Variants in RNF144B observed in about 807,000 individuals in gnomAD.
RNF144B encodes the protein ring finger protein 144B.
In RNF144B, 25 loss-of-function variants were observed where a neutral mutation model predicts 40.2. The observed-to-expected ratio is 0.62, with a 90% confidence interval of 0.45 to 0.87. RNF144B has a LOEUF of 0.87. RNF144B is among the 40% of genes least tolerant of loss of function. RNF144B has a pLI of 0.00. For synonymous variants in RNF144B, 145 were observed against 136.3 expected (o/e 1.06, Z -0.44); for missense variants, 365 against 373.7 (o/e 0.98, Z 0.19).
chr6:18,415,298 A>G lies in RNF144B; in HGVS notation c.166-12283A>G, dbSNP rs115496671. Among the ~76,000 whole-genome samples the G allele has an allele frequency of 3.8e-3, 582 of 152,332 alleles. 5 individuals are homozygous for G. Among genetic ancestry groups the G allele is most frequent in the African/African-American group, 0.013 (530 of 41,574 alleles). ...CGCGAGACTAGGTAATTTATCAACA[A>G]CAGAAATCCACTACTCATAGTTCTG... On this transcript the variant is annotated intron_variant, in intron 2 of 7. Transcript: ENST00000259939.
In RNF144B at chr6:18,395,668, G is replaced by A. The variant is rs1207973849; in HGVS notation, c.-36-3831G>A. Reference sequence around the variant, plus strand: ...TTTGCCCAAAGTGAGAAACGAAAGGGTTGGTTTTTAGTCTGTGCATGGTGC... The same window carrying A: ...TTTGCCCAAAGTGAGAAACGAAAGGATTGGTTTTTAGTCTGTGCATGGTGC... On this transcript the variant is annotated intron_variant, in intron 1 of 7. Coordinates refer to ENST00000259939, the MANE Select transcript of RNF144B (RefSeq NM_182757.4). The surrounding 1 kb of genome is among the most constrained non-coding windows in gnomAD (Gnocchi z 4.5). Among the ~76,000 whole-genome samples, 1 of 151,952 alleles carries A rather than the reference G, an allele frequency of 6.6e-6. No homozygotes were observed. Among genetic ancestry groups the A allele is most frequent in the African/African-American group, 2.4e-5 (1 of 41,348 alleles).
intron 1 of RNF144B, among the ~76,000 whole-genome samples, chr6:18,397,657 T>G (rs149897129): frequency 7.2e-5 from 11 of 152,248 alleles, no homozygotes; most frequent in African/African-American, 2.6e-4. Context: ...ACAAATTTTG[T>G]TTCTGTGCAG....
intron 2 of RNF144B, 144 bp downstream of exon 2, chr6:18,399,843 T>C: frequency 1.6e-6 from 1 of 643,136 alleles, no homozygotes; most frequent in Non-Finnish European, 2.6e-6. Context: ...TTGAACCTAT[T>C]TCCAAATAGT....
chr6:18,457,779 A>G lies in RNF144B; in HGVS notation c.536+420A>G, dbSNP rs1470533251. Among the ~76,000 whole-genome samples the G allele has an allele frequency of 2.0e-5, 3 of 152,186 alleles. No homozygotes were observed. The highest frequency in any genetic ancestry group is 1.5e-5 in the Non-Finnish European group (1 of 68,024). ...TGCCAGCTCATGATGTGTGACAGTC[A>G]TATTAGAAAGAACACAACAATAGAA... is the stretch of plus-strand genomic sequence containing the variant. On this transcript the variant is annotated intron_variant, in intron 5 of 7. Coordinates refer to ENST00000259939, the MANE Select transcript of RNF144B (RefSeq NM_182757.4). The surrounding 1 kb of genome is among the most constrained non-coding windows in gnomAD (Gnocchi z 5.1).
chr6:18,403,073 T>C (rs1562041235), intron 2 of RNF144B, among the ~76,000 whole-genome samples: 1 of 152,246 alleles, frequency 6.6e-6, no homozygotes, highest in African/African-American at 2.4e-5. Context: ...TGTTTGTCTG[T>C]TTATGACATG....
intron 4 of RNF144B, among the ~76,000 whole-genome samples, chr6:18,454,142 GT>G (rs531024935): frequency 4.0e-4 from 61 of 152,254 alleles, no homozygotes; most frequent in African/African-American, 1.4e-3. Flanking sequence ...ACCTCACACA[GT>G]TGGGTTCAAA....
At chr6:18,436,540 T>C (rs1265480332) in intron 3 of RNF144B, among the ~76,000 whole-genome samples, 1 of 152,132 alleles carries the variant, frequency 6.6e-6, no homozygotes, top group Admixed American at 6.5e-5. Flanking sequence ...GAATGGCATT[T>C]GGTAACTCTC....
Position 18,434,807 on chromosome 6 carries a change from G to C in RNF144B, c.271-4877G>C, listed in dbSNP as rs187595399. ...CAGCTAATTTTTTGTATTTTTAGTA[G>C]AGATGGGGTTTCACCTTGTTAGCCA... is the stretch of plus-strand genomic sequence containing the variant. On this transcript the variant is annotated intron_variant, in intron 3 of 7. Coordinates refer to ENST00000259939, the MANE Select transcript of RNF144B (RefSeq NM_182757.4). The surrounding 1 kb of genome is among the most constrained non-coding windows in gnomAD (Gnocchi z 4.1). Among the ~76,000 whole-genome samples, 321 of 152,226 alleles carry C rather than the reference G, an allele frequency of 2.1e-3. No individual in the cohort carries two copies. The highest frequency in any genetic ancestry group is 7.2e-3 in the African/African-American group (298 of 41,532).
In RNF144B at chr6:18,419,692, G is replaced by A. The variant is rs1795217206; in HGVS notation, c.166-7889G>A. Among the ~76,000 whole-genome samples, 4 of 152,182 alleles carry A rather than the reference G, an allele frequency of 2.6e-5. No individual in the cohort carries two copies. The highest frequency in any genetic ancestry group is 2.6e-4 in the Admixed American group (4 of 15,262). ...AGTGACCTAGAGCCACTTCAGTTGA[G>A]TGGCAGGGAGGAGTTGGGATGGGAT... On this transcript the variant is annotated intron_variant, in intron 2 of 7. Transcript: ENST00000259939. The surrounding 1 kb of genome is among the most constrained non-coding windows in gnomAD (Gnocchi z 4.6).
chr6:18,459,989 G>C lies in RNF144B; in HGVS notation c.681+238G>C, dbSNP rs902988970. 9.2e-5 allele frequency among the ~76,000 whole-genome samples: 14 copies of C among 152,200 alleles called. No individual in the cohort carries two copies. Among genetic ancestry groups the C allele is most frequent in the African/African-American group, 3.4e-4 (14 of 41,538 alleles). ...AGCTTTTGTTTTCAGGGCATTTCTT[G>C]CTATTTGCACATTGTCTCTATTATG... On this transcript the variant is annotated intron_variant, in intron 6 of 7. Transcript: ENST00000259939. This position sits in a 1 kb window ranked among gnomAD's most constrained non-coding sequence, Gnocchi z 4.2.
intron 2 of RNF144B, among the ~76,000 whole-genome samples, chr6:18,423,174 C>T (rs6922849): frequency 6.6e-6 from 1 of 151,818 alleles, no homozygotes; most frequent in Non-Finnish European, 1.5e-5. Context: ...GAATGGGGGA[C>T]TCTCCATTTT....
chr6:18,396,927 T>C, intron 1 of RNF144B: 1 of 548,040 alleles, frequency 1.8e-6, no homozygotes, highest in Non-Finnish European at 2.3e-6. Flanking sequence ...TTTAATTTGC[T>C]CTTGGATGAC....
rs140388622 is a variant in RNF144B, at chr6:18,414,458, G to A, written c.166-13123G>A. 2.1e-4 allele frequency among the ~76,000 whole-genome samples: 32 copies of A among 152,124 alleles called. No homozygotes were observed. The East Asian group carries it at 6.2e-3, about 29-fold the overall frequency. On this transcript the variant is annotated intron_variant, in intron 2 of 7. Coordinates refer to ENST00000259939, the MANE Select transcript of RNF144B (RefSeq NM_182757.4). The surrounding 1 kb of genome is among the most constrained non-coding windows in gnomAD (Gnocchi z 4.9). ...CTGGCTTTGTAGGTTATATCCTGTAGGAAAAAATGTTGGTGATGAGTTAGC... is the reference window on the plus strand; with the variant it reads ...CTGGCTTTGTAGGTTATATCCTGTAAGAAAAAATGTTGGTGATGAGTTAGC...
At position 18,399,595 on chromosome 6, in the gene RNF144B, G is replaced by C. The variant is rs1215938620; in HGVS notation, c.61G>C (p.Asp21His). The change falls in exon 2 of 8, where the codon GAC becomes CAC. Residue 21 changes from aspartate (D) to histidine (H), a missense_variant. Coordinates refer to ENST00000259939, the MANE Select transcript of RNF144B (RefSeq NM_182757.4). ...AMTAENPTPG[D>H]LAPAPLITCK... Reference sequence around the variant, plus strand: ...GACTGCTGAAAATCCCACTCCTGGAGACCTGGCTCCGGCCCCCCTCATCAC... The same window carrying C: ...GACTGCTGAAAATCCCACTCCTGGACACCTGGCTCCGGCCCCCCTCATCAC... 1 of 1,614,154 alleles carries C rather than the reference G, an allele frequency of 6.2e-7. No individual in the cohort carries two copies. Among genetic ancestry groups the C allele is most frequent in the Admixed American group, 1.7e-5 (1 of 60,030 alleles).
Position 18,457,533 on chromosome 6 carries a change from T to C in RNF144B, c.536+174T>C, listed in dbSNP as rs577025605. 1.3e-5 allele frequency among the ~76,000 whole-genome samples: 2 copies of C among 152,316 alleles called. No homozygotes were observed. The highest frequency in any genetic ancestry group is 2.9e-5 in the Non-Finnish European group (2 of 68,014). ...TAAGTTGCCAACAAAAAAGCATTTC[T>C]AGTTGTTTGCCCCAGAGGAATCTTC... On this transcript the variant is annotated intron_variant, in intron 5 of 7. Transcript: ENST00000259939. The surrounding 1 kb of genome is among the most constrained non-coding windows in gnomAD (Gnocchi z 5.1).
In RNF144B at chr6:18,447,412, C is replaced by T. The variant is rs1317087640; in HGVS notation, c.331+7668C>T. Among the ~76,000 whole-genome samples the T allele has an allele frequency of 6.6e-6, 1 of 152,038 alleles. No individual in the cohort carries two copies. Among genetic ancestry groups the T allele is most frequent in the Non-Finnish European group, 1.5e-5 (1 of 68,006 alleles). ...GTAATTTGAAAGTGTTAGTCAAGGG[C>T]CTGATCCCATAGATTATGAAGATGA... is the stretch of plus-strand genomic sequence containing the variant. On this transcript the variant is annotated intron_variant, in intron 4 of 7. Transcript: ENST00000259939. The surrounding 1 kb of genome is among the most constrained non-coding windows in gnomAD (Gnocchi z 5.6).
chr6:18,399,578 A>G lies in RNF144B; in HGVS notation c.44A>G (p.Glu15Gly), dbSNP rs36005166. Residue 15 changes from glutamate to glycine, a missense_variant, in exon 2 of 8, where the codon GAA (glutamate) becomes GGA (glycine). Coordinates refer to ENST00000259939, the MANE Select transcript of RNF144B (RefSeq NM_182757.4). ...CTCCACTATCTCGCCATGACTGCTG[A>G]AAATCCCACTCCTGGAGACCTGGCT... ...GRLHYLAMTA[E>G]NPTPGDLAPA... 2,245 of 1,614,164 alleles carry G rather than the reference A, an allele frequency of 1.4e-3. 4 individuals carry two copies. Among genetic ancestry groups the G allele is most frequent in the Non-Finnish European group, 1.8e-3 (2,105 of 1,180,022 alleles).
chr6:18,427,474 G>T (rs1758585281), intron 2 of RNF144B, 107 bp from the exon 3 acceptor site: 3 of 647,852 alleles, frequency 4.6e-6, no homozygotes, highest in African/African-American at 3.7e-5. Flanking sequence ...GAGTACAAGA[G>T]CCTCAGGACA....
intron 2 of RNF144B, among the ~76,000 whole-genome samples, chr6:18,427,320 A>AT (rs1758579881): frequency 6.6e-6 from 1 of 152,074 alleles, no homozygotes; most frequent in Admixed American, 6.6e-5. Context: ...TTCCTGATCT[A>AT]TGGTGGCTGA....
Sources: gnomAD v4.1 joint callset for allele counts (sites outside exome capture counted in the v4.1 genomes callset) on GRCh38, gnomAD v4.1.1 for gene constraint, Gnocchi (gnomAD v3.1) non-coding constraint, MANE v1.5 for transcripts, NCBI Gene and HGNC (gene_info 2026-07-23, HGNC 2026-07-21) for gene names.